Variants in TAB2 observed in about 807,000 individuals in gnomAD.
The protein encoded by TAB2 is TGF-beta activated kinase 1 (MAP3K7) binding protein 2.
TAB2 carries 3 observed loss-of-function variants against 65.0 expected under a neutral mutation model. The observed-to-expected ratio is 0.05, with a 90% confidence interval of 0.02 to 0.12. TAB2 has a LOEUF of 0.12. Ranked by LOEUF, TAB2 falls within the 10% of genes least tolerant of loss-of-function variation. The pLI, the probability that TAB2 is intolerant of heterozygous loss-of-function variation, is 1.00. For synonymous variants in TAB2, 298 were observed against 285.1 expected, an observed-to-expected ratio of 1.05 and a Z score of -0.46; for missense variants, 623 against 840.3, an observed-to-expected ratio of 0.74 and a Z score of 3.20.
Position 149,397,718 on chromosome 6 carries a change from C to T in TAB2, c.1718C>T (p.Thr573Ile), listed in dbSNP as rs761309965. 6.2e-7 allele frequency: 1 copy of T among 1,613,946 alleles called. No individual in the cohort carries two copies. The highest frequency in any genetic ancestry group is 8.5e-7 in the Non-Finnish European group (1 of 1,179,996). The change falls in exon 4 of 7, where the codon ACT becomes ATT. Residue 573 changes from threonine (T) to isoleucine (I), a missense_variant. Around this residue, in one of 3 missense-constraint regions of TAB2, gnomAD observed 550 missense variants for 665.7 expected, o/e 0.83. Transcript: ENST00000637181. ...SEVNEMENNLTRRRLKRSNSI... is the reference protein window; with the variant it reads ...SEVNEMENNLIRRRLKRSNSI... ...GTTAATGAAATGGAAAATAATCTAA[C>T]TCGAAGGCGCCTGAAAAGATCAAAT...
chr6:149,232,362 G>A (rs1011328748), intron 1 of TAB2, among the ~76,000 whole-genome samples: 1 of 152,018 alleles, frequency 6.6e-6, no homozygotes, highest in Non-Finnish European at 1.5e-5. Context: ...CAAGTAGCTG[G>A]GATTACAGGC....
intron 3 of TAB2, among the ~76,000 whole-genome samples, chr6:149,384,770 A>G (rs1041660859): frequency 1.3e-5 from 2 of 152,146 alleles, no homozygotes; most frequent in Admixed American, 1.3e-4. Context: ...AACACTGGCA[A>G]CTTTTATAGG....
chr6:149,372,325 TAAAG>T (rs1184149839), intron 2 of TAB2: 1 of 152,156 alleles, frequency 6.6e-6, no homozygotes, highest in Non-Finnish European at 1.5e-5. Context: ...TCTGTTTGCA[TAAAG>T]AAATACTGGA....
chr6:149,378,056 T>C lies in TAB2; in HGVS notation c.141T>C (p.Ser47=), dbSNP rs1156238180. 3 of 1,613,998 alleles carry C rather than the reference T, an allele frequency of 1.9e-6. No individual in the cohort carries two copies. In the South Asian group the frequency reaches 3.3e-5, roughly 18 times the overall value. ...NNLDACCAVL[S]QESTRYLYGE... ...TGGATGCCTGCTGTGCTGTTCTCTC[T>C]CAGGAGAGTACAAGATATCTTTATG... The change falls in exon 3 of 7, where the codon TCT becomes TCC. Residue 47 remains serine (S), a synonymous_variant. Coordinates refer to ENST00000637181, the MANE Select transcript of TAB2 (RefSeq NM_001292034.3).
chr6:149,321,330 C>T (rs542260138), intron 1 of TAB2: 1 of 152,214 alleles, frequency 6.6e-6, no homozygotes, highest in South Asian at 2.1e-4. Context: ...CATTTTGTTT[C>T]TTATGATTCT....
intron 6 of TAB2, chr6:149,400,738 T>A: frequency 6.4e-7 from 1 of 1,559,490 alleles, no homozygotes; most frequent in Non-Finnish European, 8.7e-7. Context: ...GATTACTGCA[T>A]TCTCAATTAG....
At chr6:149,319,992 T>TG (rs773859124) in intron 1 of TAB2, among the ~76,000 whole-genome samples, 17 of 152,232 alleles carry the variant, frequency 1.1e-4, no homozygotes, top group Non-Finnish European at 2.2e-4. Context: ...CACCTATGCT[T>TG]GGTCCTCTAG....
At chr6:149,406,980 G>A (rs1416114505) in intron 6 of TAB2, among the ~76,000 whole-genome samples, 1 of 152,226 alleles carries the variant, frequency 6.6e-6, no homozygotes, top group African/African-American at 2.4e-5. Context: ...GCCTCCCAAA[G>A]TGCTGGGATT....
At chr6:149,250,447 G>A (rs1051409183) in intron 1 of TAB2, among the ~76,000 whole-genome samples, 13 of 151,982 alleles carry the variant, frequency 8.6e-5, no homozygotes, top group Non-Finnish European at 1.8e-4. Context: ...CTGGGATTAC[G>A]GGCATGTACC....
At chr6:149,308,314 C>T (rs73781731) in intron 1 of TAB2, among the ~76,000 whole-genome samples, 8,664 of 152,164 alleles carry the variant, frequency 0.057, 486 homozygotes, top group African/African-American at 0.14. Context: ...ATTATACTCC[C>T]ACTCCCAGGA....
intron 1 of TAB2, among the ~76,000 whole-genome samples, chr6:149,291,892 T>C (rs900598526): frequency 3.3e-5 from 5 of 152,026 alleles, no homozygotes; most frequent in Admixed American, 1.3e-4. Flanking sequence ...AAAGAAACTA[T>C]ATACATTATT....
At position 149,411,046 on chromosome 6, in the gene TAB2, G is replaced by A. The variant is rs1225799778; in HGVS notation, c.*1327G>A. 1 of 152,430 alleles carries A rather than the reference G, an allele frequency of 6.6e-6. No individual in the cohort carries two copies. Among genetic ancestry groups the A allele is most frequent in the African/African-American group, 2.4e-5 (1 of 41,364 alleles). The allele number at this position is 152,430 out of a possible 1,614,324, so 9.4% of individuals were successfully genotyped here. A position where few individuals can be genotyped will look rare whatever the true frequency, so the allele number is the denominator to read the frequency against. On this transcript the variant is annotated 3_prime_UTR_variant, in exon 7 of 7. Coordinates refer to ENST00000637181, the MANE Select transcript of TAB2 (RefSeq NM_001292034.3). ...AAAACAAGCAAACTTGAACACTGAA[G>A]CAACCTCAAGCATCTCTTTATTTTG...
At chr6:149,339,544 G>GT (rs939428564) in intron 1 of TAB2, among the ~76,000 whole-genome samples, 11 of 150,226 alleles carry the variant, frequency 7.3e-5, no homozygotes, top group Non-Finnish European at 1.5e-4. Context: ...AGGGATAAGT[G>GT]TTTTTTAACA....
intron 1 of TAB2, among the ~76,000 whole-genome samples, chr6:149,290,773 A>T (rs1292479373): frequency 6.6e-6 from 1 of 152,212 alleles, no homozygotes; most frequent in Non-Finnish European, 1.5e-5. Flanking sequence ...TGAGCCTGGG[A>T]GGCAGAGGTT....
intron 3 of TAB2, among the ~76,000 whole-genome samples, chr6:149,382,937 A>G (rs549507875): frequency 2.0e-5 from 3 of 152,294 alleles, no homozygotes; most frequent in Admixed American, 6.5e-5. Context: ...GTGGATCACA[A>G]GGTCAAAAGA....
chr6:149,239,616 G>A (rs890579418), intron 1 of TAB2, among the ~76,000 whole-genome samples: 3 of 152,278 alleles, frequency 2.0e-5, no homozygotes, highest in East Asian at 1.9e-4. Flanking sequence ...TATTTTATTC[G>A]AGCTGCTTCT....
At chr6:149,380,138 A>C (rs1344140968) in intron 3 of TAB2, 5 of 277,894 alleles carry the variant, frequency 1.8e-5, no homozygotes, top group African/African-American at 6.9e-5. Context: ...TACTCAGTAG[A>C]CTGAGGTAGG....
chr6:149,289,266 G>T (rs188103187), intron 1 of TAB2, among the ~76,000 whole-genome samples: 1 of 152,194 alleles, frequency 6.6e-6, no homozygotes, highest in East Asian at 1.9e-4. Context: ...AGTGGCTCAT[G>T]CCTGTAATCC....
intron 1 of TAB2, among the ~76,000 whole-genome samples, chr6:149,340,022 A>G (rs1027435620): frequency 6.6e-6 from 1 of 152,224 alleles, no homozygotes; most frequent in Non-Finnish European, 1.5e-5. Flanking sequence ...TTCTACTGAC[A>G]TATTATTTGA....
Sources: gnomAD v4.1 joint callset for allele counts (sites outside exome capture counted in the v4.1 genomes callset) on GRCh38, gnomAD v4.1.1 for gene constraint, gnomAD v4.1.1 regional missense constraint, MANE v1.5 for transcripts, NCBI Gene and HGNC (gene_info 2026-07-23, HGNC 2026-07-21) for gene names.